HIPK1: variants seen among roughly 807,000 people sequenced by gnomAD.
The protein encoded by HIPK1 is homeodomain-interacting protein kinase 1.
A neutral mutation model predicts 117.1 loss-of-function variants in HIPK1; 28 were observed. The observed-to-expected ratio is 0.24, with a 90% CI of 0.18 to 0.33. The LOEUF (loss-of-function observed/expected upper bound fraction) is 0.33. Ranked by LOEUF, HIPK1 falls within the 10% of genes least tolerant of loss-of-function variation. The pLI is 1.00. For missense variants in HIPK1, 1,122 were observed against 1,475.1 expected (o/e 0.76, Z 3.92); for synonymous variants, 605 against 562.5 (o/e 1.08, Z -1.07).
At chr1:113,934,053 A>G (rs1397494601) in intron 1 of HIPK1, among the ~76,000 whole-genome samples, 1 of 152,206 alleles carries the variant, frequency 6.6e-6, no homozygotes, top group Non-Finnish European at 1.5e-5. Context: ...TCTGTAAAAA[A>G]TATGTATCAG....
Position 113,971,967 on chromosome 1 carries a change from G to A in HIPK1, c.3144+13G>A, listed in dbSNP as rs2101509895. The A allele has an allele frequency of 6.2e-7, 1 of 1,612,650 alleles. No individual in the cohort carries two copies. The highest frequency in any genetic ancestry group is 2.2e-5 in the East Asian group (1 of 44,838). On this transcript the variant is annotated intron_variant, in intron 15 of 15. Transcript: ENST00000426820. The stretch of plus-strand genomic sequence containing the variant: ...CAATCTTAGCCAGGTAAGTGCTATG[G>A]GCTACTGCCTTCTGTTTGGGCCCTG...
At chr1:113,929,591 G>A in intron 1 of HIPK1, 59 bp downstream of exon 1, 1 of 1,223,008 alleles carries the variant, frequency 8.2e-7, no homozygotes, top group Non-Finnish European at 1.1e-6. Context: ...CGGCCGGGTT[G>A]AGGGACGGCC....
chr1:113,932,331 A>T (rs1333956264), intron 1 of HIPK1: 2 of 148,834 alleles, frequency 1.3e-5, no homozygotes, highest in Admixed American at 1.3e-4. Context: ...ATTGCTACTC[A>T]TTAGCGCTGG....
chr1:113,941,434 A>C lies in HIPK1; in HGVS notation c.1051A>C (p.Thr351Pro). 1 of 1,613,646 alleles carries C rather than the reference A, an allele frequency of 6.2e-7. No homozygotes were observed. Among genetic ancestry groups the C allele is most frequent in the Non-Finnish European group, 8.5e-7 (1 of 1,179,644 alleles). ...TCACGTTTCCAAAGCTGTGTGCTCA[A>C]CCTACTTACAGTCACGTTACTACAG... Reference protein sequence around the residue: ...ASHVSKAVCSTYLQSRYYRAP... With the variant: ...ASHVSKAVCSPYLQSRYYRAP... The change falls in exon 2 of 16, where the codon ACC (threonine) becomes CCC (proline). Residue 351 changes from threonine to proline, a missense_variant. Transcript: ENST00000426820. The surrounding 1 kb of genome is among the most constrained non-coding windows in gnomAD (Gnocchi z 4.9).
At chr1:113,929,746 G>A in intron 1 of HIPK1, 1 of 881,348 alleles carries the variant, frequency 1.1e-6, no homozygotes, top group Non-Finnish European at 1.4e-6. Context: ...GGGCTGGGTG[G>A]TGGAGCGGGA....
intron 13 of HIPK1, among the ~76,000 whole-genome samples, chr1:113,969,635 C>T (rs1275679167): frequency 6.6e-6 from 1 of 152,150 alleles, no homozygotes; most frequent in Admixed American, 6.5e-5. Flanking sequence ...TGAAGCTCGG[C>T]ATGGTGGCTC....
At chr1:113,944,158 G>GTTTTT (rs1474594102) in intron 2 of HIPK1, among the ~76,000 whole-genome samples, 18 of 84,600 alleles carry the variant, frequency 2.1e-4, no homozygotes, top group African/African-American at 9.2e-4. Context: ...AATAGCCATG[G>GTTTTT]GTTTTTTTTT....
At chr1:113,962,540 C>A in intron 9 of HIPK1, 102 bp downstream of exon 9, 3 of 1,190,002 alleles carry the variant, frequency 2.5e-6, no homozygotes, top group Non-Finnish European at 3.5e-6. Context: ...TAAGATCTTT[C>A]TTGGTCATGA....
intron 2 of HIPK1, among the ~76,000 whole-genome samples, chr1:113,943,523 A>T (rs566494248): frequency 6.6e-6 from 1 of 152,304 alleles, no homozygotes; most frequent in South Asian, 2.1e-4. Context: ...TTGTTTATGC[A>T]TTCATCTGTT....
Position 113,975,523 on chromosome 1 carries a change from T to G in HIPK1, c.*2011T>G, listed in dbSNP as rs1673096388. 6.5e-6 allele frequency: 1 copy of G among 152,738 alleles called. No homozygotes were observed. The highest frequency in any genetic ancestry group is 2.4e-5 in the African/African-American group (1 of 41,428). 9.5% of individuals were successfully genotyped at this position (152,738 alleles called of 1,614,324 possible). On this transcript the variant is annotated 3_prime_UTR_variant, in exon 16 of 16. Transcript: ENST00000426820. ...GCAATCACTTTTAGAATGAATTTTTTTTTCCTTTTCCCATGTGGCAGTCCT... is the reference window on the plus strand; with the variant it reads ...GCAATCACTTTTAGAATGAATTTTTGTTTCCTTTTCCCATGTGGCAGTCCT...
intron 1 of HIPK1, chr1:113,933,229 A>G (rs1354118951): frequency 1.2e-5 from 12 of 981,120 alleles, no homozygotes; most frequent in Non-Finnish European, 1.5e-5. Flanking sequence ...AGCAGAGACT[A>G]GAAGGGTAAG....
intron 1 of HIPK1, among the ~76,000 whole-genome samples, chr1:113,939,356 T>C: frequency 6.7e-6 from 1 of 149,704 alleles, no homozygotes; most frequent in Non-Finnish European, 1.5e-5. Context: ...GTTGTTGTTG[T>C]TTGTTTGTTT....
At chr1:113,946,434 G>C (rs1418140627) in intron 2 of HIPK1, among the ~76,000 whole-genome samples, 1 of 152,198 alleles carries the variant, frequency 6.6e-6, no homozygotes, top group African/African-American at 2.4e-5. Context: ...GAAAAAGGGA[G>C]AGCAATAGGA....
chr1:113,956,522 T>C, intron 5 of HIPK1, 105 bp from the exon 6 acceptor site: 2 of 627,782 alleles, frequency 3.2e-6, no homozygotes, highest in East Asian at 6.5e-5. Context: ...GGTTTCTCTT[T>C]TGATTACATA....
At chr1:113,964,289 A>G (rs1231540774) in intron 10 of HIPK1, among the ~76,000 whole-genome samples, 1 of 152,266 alleles carries the variant, frequency 6.6e-6, no homozygotes, top group Non-Finnish European at 1.5e-5. Context: ...CCAACAAACT[A>G]TGCAAATACA....
chr1:113,966,045 A>G, intron 10 of HIPK1, 85 bp from the exon 11 acceptor site: 10 of 1,364,242 alleles, frequency 7.3e-6, no homozygotes, highest in Non-Finnish European at 1.0e-5. Context: ...CTTTTAAGAT[A>G]TGAATTTTTC....
In HIPK1 at chr1:113,973,967, A is replaced by G. The variant is rs1673009270; in HGVS notation, c.*455A>G. On this transcript the variant is annotated 3_prime_UTR_variant, in exon 16 of 16. Transcript: ENST00000426820. ...TAGAAGGAGTTGAAATCTGATGACA[A>G]AAAAAGAAAAATTACTTTTTGTTTG... The G allele has an allele frequency of 6.5e-6, 1 of 153,478 alleles. No homozygotes were observed. Among genetic ancestry groups the G allele is most frequent in the South Asian group, 2.1e-4 (1 of 4,852 alleles). 9.5% of individuals were successfully genotyped at this position (153,478 alleles called of 1,614,324 possible).
rs200193777 is a variant in HIPK1 at position 113,973,453 on chromosome 1, A to G, written c.3574A>G (p.Thr1192Ala). The change falls in exon 16 of 16, where the codon ACA (threonine) becomes GCA (alanine). Residue 1192 changes from threonine (T) to alanine (A), a missense_variant. By Grantham distance (58) the Thr-to-Ala change is moderately conservative (BLOSUM62 0). Transcript: ENST00000426820. ...CTACATTGGGTCTTCCCGAGGCTCA[A>G]CAATTTACACTGGATACCCGCTGAG... ...QSYIGSSRGS[T>A]IYTGYPLSPT... is the part of the protein sequence containing the mutation. 128 of 1,613,404 alleles carry G rather than the reference A, an allele frequency of 7.9e-5. No homozygotes were observed. The highest frequency in any genetic ancestry group is 6.6e-5 in the South Asian group (6 of 91,006).
Position 113,955,558 on chromosome 1 carries a change from T to G in HIPK1, c.1321-5T>G, listed in dbSNP as rs1341863856. On this transcript the variant is annotated splice_polypyrimidine_tract_variant and splice_region_variant and intron_variant, in intron 4 of 15. Transcript: ENST00000426820. ...AATTTAAGGAGGAAAATCTTTATTT[T>G]ATAGACACCTGAAGAACATGAACTG... 1 of 1,515,546 alleles carries G rather than the reference T, an allele frequency of 6.6e-7. No homozygotes were observed. Among genetic ancestry groups the G allele is most frequent in the African/African-American group, 1.4e-5 (1 of 71,922 alleles). The allele number at this position is 1,515,546 out of a possible 1,614,324, so 93.9% of individuals were successfully genotyped here.
Sources: gnomAD v4.1 joint callset for allele counts (sites outside exome capture counted in the v4.1 genomes callset) on GRCh38, gnomAD v4.1.1 for gene constraint, Gnocchi (gnomAD v3.1) non-coding constraint, MANE v1.5 for transcripts, NCBI Gene and HGNC (gene_info 2026-07-23, HGNC 2026-07-21) for gene names.